The following LRP5 variants were observed in gnomAD, a reference collection of about 807,000 sequenced individuals.
The protein encoded by LRP5 is low-density lipoprotein receptor-related protein 5.
Under a neutral mutation model 154.1 loss-of-function variants are expected in LRP5, and 62 were observed. The ratio of observed to expected loss-of-function variants is 0.40; its 90% CI spans 0.33 to 0.50. The LOEUF (loss-of-function observed/expected upper bound fraction) is 0.50. Ranked by LOEUF, LRP5 falls within the 20% of genes least tolerant of loss-of-function variation. The pLI is 0.55. For missense variants in LRP5, 1,915 were observed against 2,336.7 expected, an observed-to-expected ratio of 0.82 and a Z score of 3.72; for synonymous variants, 966 against 1,011.5, an observed-to-expected ratio of 0.96 and a Z score of 0.85.
intron 22 of LRP5, 137 bp downstream of exon 22, chr11:68,446,670 C>G: frequency 2.6e-6 from 2 of 770,840 alleles, no homozygotes; most frequent in Non-Finnish European, 2.2e-6. Flanking sequence ...CCCTGCCTCC[C>G]TCTGCTCTGC....
At chr11:68,366,586 C>T (rs570500720) in intron 5 of LRP5, among the ~76,000 whole-genome samples, 16 of 152,226 alleles carry the variant, frequency 1.1e-4, no homozygotes, top group South Asian at 1.0e-3. Flanking sequence ...CTTTTCTCTG[C>T]TCCCTGGCAG....
At chr11:68,397,750 G>A (rs1181181216) in intron 7 of LRP5, among the ~76,000 whole-genome samples, 6 of 152,228 alleles carry the variant, frequency 3.9e-5, no homozygotes, top group Admixed American at 1.3e-4. Context: ...TGGGGTCTCC[G>A]TGCTGACCCC....
At chr11:68,329,370 C>T (rs1187884964) in intron 1 of LRP5, among the ~76,000 whole-genome samples, 4 of 152,120 alleles carry the variant, frequency 2.6e-5, no homozygotes, top group Non-Finnish European at 4.4e-5. Flanking sequence ...ATTTTACAGA[C>T]GAAGAAACTG....
At chr11:68,344,825 T>C (rs1456620146) in intron 1 of LRP5, among the ~76,000 whole-genome samples, 1 of 151,056 alleles carries the variant, frequency 6.6e-6, no homozygotes, top group African/African-American at 2.4e-5. Flanking sequence ...TCATCCATGT[T>C]GTAGCATGTG....
At chr11:68,441,341 G>A (rs2098678108) in intron 21 of LRP5, among the ~76,000 whole-genome samples, 1 of 152,288 alleles carries the variant, frequency 6.6e-6, no homozygotes, top group East Asian at 1.9e-4. Context: ...GCCTCCCCAG[G>A]TGCTGGGATT....
At chr11:68,328,666 G>C (rs1486176278) in intron 1 of LRP5, among the ~76,000 whole-genome samples, 1 of 152,220 alleles carries the variant, frequency 6.6e-6, no homozygotes, top group Non-Finnish European at 1.5e-5. Context: ...TGGCTCAGGG[G>C]CACCGCAGTC....
chr11:68,320,739 G>A (rs1259622579), intron 1 of LRP5, among the ~76,000 whole-genome samples: 1 of 152,072 alleles, frequency 6.6e-6, no homozygotes, highest in South Asian at 2.1e-4. Flanking sequence ...TGGGATTACA[G>A]ACATAAGCCA....
At chr11:68,365,509 A>G in intron 4 of LRP5, 62 bp from the exon 5 acceptor site, 1 of 1,611,828 alleles carries the variant, frequency 6.2e-7, no homozygotes. Context: ...GATGTGACTC[A>G]TTCAGAAACA....
chr11:68,335,568 A>C (rs1434376894), intron 1 of LRP5, among the ~76,000 whole-genome samples: 1 of 152,032 alleles, frequency 6.6e-6, no homozygotes, highest in Non-Finnish European at 1.5e-5. Flanking sequence ...TGTCTCTAAA[A>C]AGCACCTTAT....
chr11:68,321,058 GTTTT>G (rs36049256), intron 1 of LRP5, among the ~76,000 whole-genome samples: 55 of 119,802 alleles, frequency 4.6e-4, no homozygotes, highest in African/African-American at 1.4e-3. Context: ...TTCTGTCTGG[GTTTT>G]TTTTTTTTTT....
intron 5 of LRP5, among the ~76,000 whole-genome samples, chr11:68,379,736 A>G (rs1013850409): frequency 6.6e-6 from 1 of 152,172 alleles, no homozygotes; most frequent in Non-Finnish European, 1.5e-5. Flanking sequence ...TTTACAGGAA[A>G]ATTAAGGGAC....
intron 1 of LRP5, among the ~76,000 whole-genome samples, chr11:68,326,682 C>T (rs2098599888): frequency 6.6e-6 from 1 of 152,242 alleles, no homozygotes; most frequent in Admixed American, 6.5e-5. Context: ...GGCTCCCCAT[C>T]GCCTCTGGGA....
chr11:68,440,090 T>G, intron 21 of LRP5, 174 bp downstream of exon 21: 1 of 626,648 alleles, frequency 1.6e-6, no homozygotes, highest in East Asian at 2.8e-5. Flanking sequence ...ATGACATTGT[T>G]GATTGTGGAT....
Position 68,370,464 on chromosome 11 carries a change from G to T in LRP5, c.1015+4762G>T, listed in dbSNP as rs569622676. On this transcript the variant is annotated intron_variant, in intron 5 of 22. Coordinates refer to ENST00000294304, the MANE Select transcript of LRP5 (RefSeq NM_002335.4). The stretch of plus-strand genomic sequence containing the variant: ...CCCCTGCAGGCTGGCAGGGGGCCTG[G>T]TGGCTCTGGCCCCAGCCCTGGGCTC... Among the ~76,000 whole-genome samples, 4 of 152,218 alleles carry T rather than the reference G, an allele frequency of 2.6e-5. No individual in the cohort carries two copies. In the South Asian group the frequency reaches 8.3e-4, roughly 32 times the overall value.
Position 68,363,957 on chromosome 11 carries a change from G to A in LRP5, c.883+14G>A. The A allele has an allele frequency of 1.3e-6, 2 of 1,585,214 alleles. No individual in the cohort carries two copies. The highest frequency in any genetic ancestry group is 2.3e-5 in the East Asian group (1 of 43,764). ...GGCAGCCTTTCTGTGAGTGCCGGCTGGGGCGCGGGGGCGAGGGTGCGGGGG... is the reference window on the plus strand; with the variant it reads ...GGCAGCCTTTCTGTGAGTGCCGGCTAGGGCGCGGGGGCGAGGGTGCGGGGG... On this transcript the variant is annotated intron_variant, in intron 4 of 22. Coordinates refer to ENST00000294304, the MANE Select transcript of LRP5 (RefSeq NM_002335.4).
At chr11:68,340,372 A>G (rs2098608230) in intron 1 of LRP5, among the ~76,000 whole-genome samples, 1 of 152,214 alleles carries the variant, frequency 6.6e-6, no homozygotes, top group Admixed American at 6.5e-5. Flanking sequence ...CTTTGAATCC[A>G]GGCAACTGAG....
Position 68,423,152 on chromosome 11 carries a change from C to T in LRP5, c.3028-337C>T, listed in dbSNP as rs1171213931. ...GTCTAGTGATGCACAGCTGGGTGCC[C>T]GGCGGGTGGCTGAGGAGGCCTAAAG... On this transcript the variant is annotated intron_variant, in intron 13 of 22. Transcript: ENST00000294304. This position sits in a 1 kb window ranked among gnomAD's most constrained non-coding sequence, Gnocchi z 4.7. Among the ~76,000 whole-genome samples the T allele has an allele frequency of 2.0e-5, 3 of 152,156 alleles. No homozygotes were observed. The highest frequency in any genetic ancestry group is 4.8e-5 in the African/African-American group (2 of 41,444).
intron 4 of LRP5, among the ~76,000 whole-genome samples, chr11:68,364,523 T>A (rs112612970): frequency 0.01 from 1,563 of 152,120 alleles, 39 homozygotes; most frequent in African/African-American, 0.036. Flanking sequence ...TGCTTGGCCC[T>A]GCAAGTCGCG....
At chr11:68,304,764 A>G in the LRP5 span, among the ~76,000 whole-genome samples, 1 of 152,236 alleles carries the variant, frequency 6.6e-6, no homozygotes, top group South Asian at 2.1e-4. Flanking sequence ...TTAAGATTGA[A>G]TGATTGCTCT....
Sources: allele counts gnomAD v4.1 joint callset (sites outside exome capture counted in the v4.1 genomes callset), GRCh38; gene constraint gnomAD v4.1.1; non-coding constraint Gnocchi (gnomAD v3.1); transcripts MANE v1.5; gene names NCBI Gene and HGNC (gene_info 2026-07-23, HGNC 2026-07-21).